The following CALN1 variants were observed in gnomAD, a reference collection of about 807,000 sequenced individuals.
The protein encoded by CALN1 is calneuron 1, also known as calcium-binding protein 8.
CALN1 carries 17 observed loss-of-function variants against 30.6 expected under a neutral mutation model. The observed-to-expected ratio is 0.56, with a 90% CI of 0.38 to 0.83. CALN1 has a LOEUF of 0.83. Ranked by LOEUF, CALN1 falls within the 40% of genes least tolerant of loss-of-function variation. CALN1 has a pLI of 0.00. For missense variants in CALN1, 291 were observed against 354.9 expected (o/e 0.82, Z 1.45); for synonymous variants, 156 against 131.4 (o/e 1.19, Z -1.28).
chr7:72,378,570 AC>A (rs1399391920), intron 2 of CALN1, among the ~76,000 whole-genome samples: 1 of 152,158 alleles, frequency 6.6e-6, no homozygotes, highest in Non-Finnish European at 1.5e-5. Context: ...TAAAAATCTT[AC>A]CGGCACGTAA....
intron 3 of CALN1, among the ~76,000 whole-genome samples, chr7:72,240,883 C>T (rs916031980): frequency 6.6e-6 from 1 of 152,198 alleles, no homozygotes; most frequent in African/African-American, 2.4e-5. Flanking sequence ...CCTGGAAGGC[C>T]AGTCCCATGC....
chr7:72,273,945 A>G (rs1797173323), intron 3 of CALN1, among the ~76,000 whole-genome samples: 1 of 152,198 alleles, frequency 6.6e-6, no homozygotes, highest in South Asian at 2.1e-4. Context: ...CATGCAAAAG[A>G]AAGTTACCAT....
rs1190799242 is a variant in CALN1, at chr7:72,338,527, G to GTGTGTC, written c.120-59718_120-59717insGACACA. 3.4e-4 allele frequency among the ~76,000 whole-genome samples: 49 copies of GTGTGTC among 144,574 alleles called. 1 individual carries two copies. The highest frequency in any genetic ancestry group is 1.1e-3 in the African/African-American group (41 of 37,002). 94.8% of individuals were successfully genotyped at this position (144,574 alleles called of 152,430 possible). On this transcript the variant is annotated intron_variant, in intron 2 of 6. Transcript: ENST00000395275. ...TGTGTGTGTGTGTGTGTGTGTGTGT[G>GTGTGTC]TCTCACCTGGGTGTGGTTTCAGAGT...
intron 4 of CALN1, among the ~76,000 whole-genome samples, chr7:72,077,186 T>C (rs1371463715): frequency 1.3e-5 from 2 of 152,232 alleles, no homozygotes; most frequent in African/African-American, 4.8e-5. Flanking sequence ...GCAAATATTA[T>C]GTATCCATAA....
intron 2 of CALN1, among the ~76,000 whole-genome samples, chr7:72,336,198 T>TGCCTCCC (rs1183492323): frequency 6.6e-6 from 1 of 151,948 alleles, no homozygotes; most frequent in East Asian, 2.0e-4. Context: ...GAGAGAACCC[T>TGCCTCCC]GCCTCCCGCC....
intron 2 of CALN1, among the ~76,000 whole-genome samples, chr7:72,367,253 G>A (rs1320307854): frequency 6.6e-6 from 1 of 152,136 alleles, no homozygotes; most frequent in East Asian, 1.9e-4. Flanking sequence ...TTGGGAGGCT[G>A]AGGCAGGAGG....
At chr7:71,917,845 T>G (rs1794757780) in intron 5 of CALN1, among the ~76,000 whole-genome samples, 2 of 152,178 alleles carry the variant, frequency 1.3e-5, no homozygotes, top group African/African-American at 4.8e-5. Flanking sequence ...TGTGATTATC[T>G]TACACAAAGT....
chr7:72,133,898 A>T (rs551659101), intron 3 of CALN1, among the ~76,000 whole-genome samples: 14 of 152,234 alleles, frequency 9.2e-5, no homozygotes, highest in Non-Finnish European at 1.6e-4. Flanking sequence ...TAACCTTAAA[A>T]AATATCCAAG....
intron 3 of CALN1, among the ~76,000 whole-genome samples, chr7:72,227,587 A>G (rs1793780909): frequency 6.6e-6 from 1 of 151,580 alleles, no homozygotes; most frequent in African/African-American, 2.4e-5. Flanking sequence ...GTAACAATAG[A>G]CATTGGGTTG....
At chr7:72,460,312 T>C in the CALN1 span, among the ~76,000 whole-genome samples, 1 of 152,140 alleles carries the variant, frequency 6.6e-6, no homozygotes. Context: ...TCCACTTTAT[T>C]CTACAGGTGG....
chr7:72,494,375 T>G, the CALN1 span, among the ~76,000 whole-genome samples: 1 of 152,326 alleles, frequency 6.6e-6, no homozygotes, highest in South Asian at 2.1e-4. Flanking sequence ...CTTACCTTTA[T>G]TTGTTCACTA....
intron 2 of CALN1, among the ~76,000 whole-genome samples, chr7:72,307,580 T>G (rs1046435380): frequency 6.6e-6 from 1 of 152,194 alleles, no homozygotes; most frequent in Non-Finnish European, 1.5e-5. Context: ...ATAGCTATGA[T>G]ATGATATTAT....
rs78264265 is a variant in CALN1, at chr7:72,080,972, C to T, written c.388+25179G>A. Among the ~76,000 whole-genome samples, 864 of 152,226 alleles carry T rather than the reference C, an allele frequency of 5.7e-3. 8 individuals carry two copies. Among genetic ancestry groups the T allele is most frequent in the African/African-American group, 0.02 (822 of 41,526 alleles). On this transcript the variant is annotated intron_variant, in intron 4 of 6. Coordinates refer to ENST00000395275, the MANE Select transcript of CALN1 (RefSeq NM_031468.4). ...GCCCAATCCAGTGACCTTCTTAAAGCTCCCTTCGCCTAATCTGGAATTGGT... is the reference window on the plus strand; with the variant it reads ...GCCCAATCCAGTGACCTTCTTAAAGTTCCCTTCGCCTAATCTGGAATTGGT...
At chr7:72,401,081 G>A (rs537633483) in intron 2 of CALN1, among the ~76,000 whole-genome samples, 35 of 152,276 alleles carry the variant, frequency 2.3e-4, no homozygotes, top group African/African-American at 8.2e-4. Flanking sequence ...TTGCTAAGGT[G>A]TCAACATGCT....
chr7:72,024,133 G>A (rs929228267), intron 4 of CALN1, among the ~76,000 whole-genome samples: 2 of 151,982 alleles, frequency 1.3e-5, no homozygotes, highest in Admixed American at 6.6e-5. Flanking sequence ...CACCATCCTT[G>A]TCACCCACAT....
rs149654946 is a variant in CALN1 at position 71,791,576 on chromosome 7, C to T, written c.659-3674G>A. ...AGGATGGAGGGTAGGAGGAGGGAGA[C>T]GAGCAGAAAAAAATCACTATTGGGT... On this transcript the variant is annotated intron_variant, in intron 6 of 6. Transcript: ENST00000395275. Among the ~76,000 whole-genome samples, 33 of 152,054 alleles carry T rather than the reference C, an allele frequency of 2.2e-4. No individual in the cohort carries two copies. In the East Asian group the frequency reaches 3.5e-3, roughly 16 times the overall value.
intron 4 of CALN1, among the ~76,000 whole-genome samples, chr7:72,099,621 G>C (rs1369196521): frequency 6.6e-6 from 1 of 151,936 alleles, no homozygotes; most frequent in Non-Finnish European, 1.5e-5. Flanking sequence ...CCTCAGACTG[G>C]GCATTTTTCA....
intron 2 of CALN1, among the ~76,000 whole-genome samples, chr7:72,316,154 AG>A (rs1800429892): frequency 2.0e-5 from 1 of 50,512 alleles, no homozygotes; most frequent in African/African-American, 4.1e-5. Context: ...TTAAAAAAAA[AG>A]AAAGAAAGAA....
chr7:72,348,819 A>G (rs1374202447), intron 2 of CALN1, among the ~76,000 whole-genome samples: 1 of 152,246 alleles, frequency 6.6e-6, no homozygotes, highest in East Asian at 1.9e-4. Flanking sequence ...TACTAATCCA[A>G]TGCCTAGCAA....
Sources: allele counts gnomAD v4.1 joint callset (sites outside exome capture counted in the v4.1 genomes callset), GRCh38; gene constraint gnomAD v4.1.1; transcripts MANE v1.5; gene names NCBI Gene and HGNC (gene_info 2026-07-23, HGNC 2026-07-21).